CNTN5: variants seen among roughly 807,000 people sequenced by gnomAD.
The protein encoded by CNTN5 is contactin 5, also known as contactin-5.
CNTN5 carries 77 observed loss-of-function variants against 129.1 expected under a neutral mutation model. The ratio of observed to expected loss-of-function variants is 0.60; its 90% confidence interval spans 0.50 to 0.72. The LOEUF (loss-of-function observed/expected upper bound fraction) is 0.72, where lower values mean the gene tolerates loss of function less well. CNTN5 is among the 30% of genes least tolerant of loss of function. CNTN5 has a pLI of 0.00. For missense variants in CNTN5, 1,478 were observed against 1,328.8 expected (o/e 1.11, Z -1.75); for synonymous variants, 509 against 465.6 (o/e 1.09, Z -1.20).
intron 13 of CNTN5, among the ~76,000 whole-genome samples, chr11:100,150,148 G>A (rs4754673): frequency 0.2 from 29,849 of 151,972 alleles, 3,882 homozygotes; most frequent in East Asian, 0.52. Context: ...AGCAGAATGC[G>A]CTTTTGCATA....
intron 3 of CNTN5, among the ~76,000 whole-genome samples, chr11:99,709,030 G>A (rs1003501464): frequency 6.6e-6 from 1 of 151,706 alleles, no homozygotes; most frequent in African/African-American, 2.4e-5. Flanking sequence ...AGCTGTTTTT[G>A]CCATCTCTTC....
intron 13 of CNTN5, among the ~76,000 whole-genome samples, chr11:100,136,834 A>G (rs1387821910): frequency 6.6e-6 from 1 of 151,892 alleles, no homozygotes; most frequent in Non-Finnish European, 1.5e-5. Flanking sequence ...CACTTGGGAA[A>G]AAAAAGAAAA....
intron 2 of CNTN5, among the ~76,000 whole-genome samples, chr11:99,459,170 T>A (rs1944600131): frequency 6.6e-6 from 1 of 151,626 alleles, no homozygotes; most frequent in South Asian, 2.1e-4. Flanking sequence ...GTGCTTGGGG[T>A]GAAAAAGAAA....
At chr11:100,162,406 G>A (rs1283466632) in intron 13 of CNTN5, among the ~76,000 whole-genome samples, 2 of 151,780 alleles carry the variant, frequency 1.3e-5, no homozygotes, top group African/African-American at 2.4e-5. Context: ...TTGTATTTGA[G>A]AATAACAAAT....
At chr11:99,581,997 A>G (rs1341205417) in intron 3 of CNTN5, among the ~76,000 whole-genome samples, 2 of 152,038 alleles carry the variant, frequency 1.3e-5, no homozygotes, top group African/African-American at 2.4e-5. Flanking sequence ...TACTTCCTTC[A>G]GGAGCTCTTT....
chr11:100,328,334 A>C (rs1428851091), intron 21 of CNTN5, among the ~76,000 whole-genome samples: 1 of 152,140 alleles, frequency 6.6e-6, no homozygotes, highest in Non-Finnish European at 1.5e-5. Flanking sequence ...CCAGCCTAGG[A>C]CTAATACAGG....
At chr11:100,328,147 C>T (rs1468549141) in intron 21 of CNTN5, among the ~76,000 whole-genome samples, 1 of 151,786 alleles carries the variant, frequency 6.6e-6, no homozygotes, top group East Asian at 2.0e-4. Context: ...GGCCAGGAGT[C>T]CTAGACCAGC....
At chr11:99,467,318 A>G (rs1471476113) in intron 2 of CNTN5, among the ~76,000 whole-genome samples, 1 of 152,086 alleles carries the variant, frequency 6.6e-6, no homozygotes, top group Non-Finnish European at 1.5e-5. Context: ...TATTTACTTT[A>G]TAATTTTCCC....
chr11:100,181,698 G>A (rs1181162956), intron 13 of CNTN5, among the ~76,000 whole-genome samples: 1 of 151,916 alleles, frequency 6.6e-6, no homozygotes, highest in Non-Finnish European at 1.5e-5. Flanking sequence ...GAAGGAATCT[G>A]TTTTATTTCT....
intron 8 of CNTN5, among the ~76,000 whole-genome samples, chr11:99,984,046 T>C (rs1938517305): frequency 6.6e-6 from 1 of 152,156 alleles, no homozygotes; most frequent in East Asian, 1.9e-4. Flanking sequence ...GGCAGGCAGA[T>C]CACTTGAGGT....
intron 20 of CNTN5, among the ~76,000 whole-genome samples, chr11:100,305,980 C>T (rs1359635174): frequency 6.6e-6 from 1 of 150,406 alleles, no homozygotes; most frequent in Non-Finnish European, 1.5e-5. Flanking sequence ...AAAAAAATCT[C>T]GTAACGCTTT....
intron 3 of CNTN5, among the ~76,000 whole-genome samples, chr11:99,757,407 G>A (rs138168383): frequency 6.6e-6 from 1 of 151,146 alleles, no homozygotes; most frequent in East Asian, 1.9e-4. Flanking sequence ...TATATTTTCT[G>A]TCCTTATAAG....
chr11:99,326,164 A>G (rs937183200), intron 2 of CNTN5, among the ~76,000 whole-genome samples: 1 of 152,224 alleles, frequency 6.6e-6, no homozygotes, highest in Non-Finnish European at 1.5e-5. Context: ...ACATCAATGG[A>G]CATTTATTAT....
intron 15 of CNTN5, among the ~76,000 whole-genome samples, chr11:100,219,531 A>T (rs1312226957): frequency 6.6e-6 from 1 of 152,230 alleles, no homozygotes; most frequent in Non-Finnish European, 1.5e-5. Flanking sequence ...TCAGATAAAG[A>T]ACTTCCCATT....
chr11:99,534,874 A>G (rs1271864767), intron 2 of CNTN5, among the ~76,000 whole-genome samples: 2 of 152,152 alleles, frequency 1.3e-5, no homozygotes, highest in African/African-American at 4.8e-5. Context: ...AAGGATGATT[A>G]GAATTAAAAG....
chr11:100,116,516 AAAAG>A (rs1375622270), intron 13 of CNTN5, among the ~76,000 whole-genome samples: 2 of 151,962 alleles, frequency 1.3e-5, no homozygotes, highest in Non-Finnish European at 2.9e-5. Context: ...TAGAAAAAAA[AAAAG>A]ACTTTTTAAT....
chr11:99,143,612 C>A (rs1335247455), intron 1 of CNTN5, among the ~76,000 whole-genome samples: 4 of 152,006 alleles, frequency 2.6e-5, no homozygotes, highest in Non-Finnish European at 5.9e-5. Flanking sequence ...TTCTGCATGT[C>A]AAGAGGCAAG....
chr11:99,447,083 A>C (rs1944103079), intron 2 of CNTN5, among the ~76,000 whole-genome samples: 1 of 152,246 alleles, frequency 6.6e-6, no homozygotes, highest in East Asian at 1.9e-4. Context: ...CCAAACAAAC[A>C]TAAGCTTAGA....
intron 1 of CNTN5, among the ~76,000 whole-genome samples, chr11:99,052,297 G>A (rs754935061): frequency 6.6e-6 from 1 of 151,744 alleles, no homozygotes; most frequent in Non-Finnish European, 1.5e-5. Flanking sequence ...GAAAAGTACA[G>A]CTATGCTCCA....
Sources: allele counts gnomAD v4.1 joint callset (sites outside exome capture counted in the v4.1 genomes callset), GRCh38; gene constraint gnomAD v4.1.1; transcripts MANE v1.5; gene names NCBI Gene and HGNC (gene_info 2026-07-23, HGNC 2026-07-21).